DPP6: variants seen among roughly 807,000 people sequenced by gnomAD.
DPP6 encodes the protein dipeptidyl peptidase like 6, also known as A-type potassium channel modulatory protein DPP6.
In DPP6, 69 loss-of-function variants were observed where a neutral mutation model predicts 122.6. That is an observed-to-expected ratio of 0.56 (90% CI 0.46 to 0.69). The LOEUF (loss-of-function observed/expected upper bound fraction) is 0.69, where lower values mean the gene tolerates loss of function less well. Ranked by LOEUF, DPP6 falls within the 30% of genes least tolerant of loss-of-function variation. The pLI is 0.00. For missense variants in DPP6, 928 were observed against 1,116.9 expected, an observed-to-expected ratio of 0.83 and a Z score of 2.41; for synonymous variants, 418 against 433.1, an observed-to-expected ratio of 0.97 and a Z score of 0.43.
intron 8 of DPP6, among the ~76,000 whole-genome samples, chr7:154,759,558 C>G (rs1354162794): frequency 6.6e-6 from 1 of 152,250 alleles, no homozygotes; most frequent in Non-Finnish European, 1.5e-5. Flanking sequence ...TTATGCAAAT[C>G]CGGCTCTTAG....
chr7:153,956,199 G>A (rs1183554219), intron 1 of DPP6, among the ~76,000 whole-genome samples: 1 of 152,150 alleles, frequency 6.6e-6, no homozygotes, highest in Non-Finnish European at 1.5e-5. Flanking sequence ...TTAGATGTGG[G>A]CAGGTGGGGG....
At chr7:153,956,869 T>C (rs953767917) in intron 1 of DPP6, among the ~76,000 whole-genome samples, 1 of 152,188 alleles carries the variant, frequency 6.6e-6, no homozygotes, top group African/African-American at 2.4e-5. Context: ...TCTGGAAGGG[T>C]CATTATCTGG....
At chr7:154,750,542 C>T (rs1843326826) in intron 8 of DPP6, among the ~76,000 whole-genome samples, 1 of 152,158 alleles carries the variant, frequency 6.6e-6, no homozygotes, top group East Asian at 1.9e-4. Context: ...GCTCCCTGGG[C>T]GATGCTCACG....
chr7:153,928,019 G>A (rs1446095245), intron 1 of DPP6, among the ~76,000 whole-genome samples: 1 of 152,064 alleles, frequency 6.6e-6, no homozygotes, highest in Non-Finnish European at 1.5e-5. Flanking sequence ...TTTCTCTTGC[G>A]CTGTCTCCCA....
intron 1 of DPP6, among the ~76,000 whole-genome samples, chr7:153,989,433 TG>T (rs1164261030): frequency 6.6e-6 from 1 of 151,270 alleles, no homozygotes; most frequent in African/African-American, 2.4e-5. Context: ...GGGCCGCGCT[TG>T]GCATTTGAGG....
At chr7:154,429,057 A>C (rs1194469839) in intron 1 of DPP6, among the ~76,000 whole-genome samples, 1 of 152,298 alleles carries the variant, frequency 6.6e-6, no homozygotes, top group East Asian at 1.9e-4. Flanking sequence ...CTTAGGTTTT[A>C]TAGTCAAAGC....
At position 154,483,220 on chromosome 7, in the gene DPP6, C is replaced by T. The variant is rs763397959; in HGVS notation, c.457+8183C>T. On this transcript the variant is annotated intron_variant, in intron 3 of 25. Transcript: ENST00000377770. This position sits in a 1 kb window ranked among gnomAD's most constrained non-coding sequence, Gnocchi z 8.1. The stretch of plus-strand genomic sequence containing the variant: ...TGCTCTAGGCGAGTTAGTGTGCTGC[C>T]GATTTTGTAACGGCAGATGTAAATG... Among the ~76,000 whole-genome samples the T allele has an allele frequency of 6.6e-6, 1 of 151,916 alleles. No individual in the cohort carries two copies. The highest frequency in any genetic ancestry group is 2.4e-5 in the African/African-American group (1 of 41,328).
At chr7:153,768,244 G>C in the DPP6 span, among the ~76,000 whole-genome samples, 1 of 145,164 alleles carries the variant, frequency 6.9e-6, no homozygotes, top group South Asian at 2.3e-4. Flanking sequence ...AGAAGTTCTT[G>C]ATGGTAATTA....
At chr7:154,855,439 AGAG>A (rs973787911) in intron 17 of DPP6, among the ~76,000 whole-genome samples, 30 of 152,170 alleles carry the variant, frequency 2.0e-4, no homozygotes, top group Non-Finnish European at 4.4e-5. Flanking sequence ...GCTCCTCCCC[AGAG>A]GAGGGGCTGG....
intron 16 of DPP6, among the ~76,000 whole-genome samples, chr7:154,842,082 A>T (rs1801595995): frequency 6.6e-6 from 1 of 152,240 alleles, no homozygotes; most frequent in African/African-American, 2.4e-5. Flanking sequence ...AACTTTATGC[A>T]TCAGGCATGC....
At chr7:154,031,733 C>G (rs1799239870) in intron 1 of DPP6, among the ~76,000 whole-genome samples, 1 of 152,058 alleles carries the variant, frequency 6.6e-6, no homozygotes, top group Non-Finnish European at 1.5e-5. Context: ...AACTCAACAG[C>G]CTTTGGAGAA....
chr7:154,686,482 C>T (rs753275486), intron 7 of DPP6, among the ~76,000 whole-genome samples: 63 of 151,512 alleles, frequency 4.2e-4, no homozygotes, highest in Non-Finnish European at 7.6e-4. Context: ...GTAATTAATC[C>T]GACACCCTTA....
At chr7:154,451,361 C>CAAAA (rs397890050) in intron 2 of DPP6, among the ~76,000 whole-genome samples, 2 of 122,122 alleles carry the variant, frequency 1.6e-5, no homozygotes, top group Non-Finnish European at 1.7e-5. Context: ...CCTGTCTCAC[C>CAAAA]AAAAAAAAAA....
intron 1 of DPP6, among the ~76,000 whole-genome samples, chr7:154,227,215 G>GACACACACAC (rs1554495537): frequency 1.2e-3 from 169 of 141,454 alleles, no homozygotes; most frequent in South Asian, 8.2e-3. Context: ...GAAAATGAGG[G>GACACACACAC]ACACACACAC....
intron 2 of DPP6, among the ~76,000 whole-genome samples, chr7:154,474,025 C>T (rs1822513956): frequency 6.6e-6 from 1 of 152,102 alleles, no homozygotes. Flanking sequence ...AGATAATGTC[C>T]ATCAGATGTG....
At chr7:154,621,806 C>T (rs991035885) in intron 5 of DPP6, among the ~76,000 whole-genome samples, 2 of 152,170 alleles carry the variant, frequency 1.3e-5, no homozygotes, top group Non-Finnish European at 2.9e-5. Context: ...TCCCTGCCCA[C>T]CTCAAGTCAG....
rs186789157 is a variant in DPP6, at chr7:154,873,221, G to A, written c.1883+528G>A. On this transcript the variant is annotated intron_variant, in intron 19 of 25. Transcript: ENST00000377770. ...TGTGCTCTGTAAATGCCTTGAAGGT[G>A]TTGGGTCTGATTAGGGAACTCAGTG... Among the ~76,000 whole-genome samples, 67 of 152,336 alleles carry A rather than the reference G, an allele frequency of 4.4e-4. No individual in the cohort carries two copies. The East Asian group carries it at 0.013, about 28-fold the overall frequency.
intron 4 of DPP6, among the ~76,000 whole-genome samples, chr7:154,544,289 T>C (rs1828985857): frequency 6.6e-6 from 1 of 152,032 alleles, no homozygotes; most frequent in African/African-American, 2.4e-5. Flanking sequence ...TGAGAATTTT[T>C]GAAGTGCTTG....
chr7:154,469,864 GC>G (rs1822112070), intron 2 of DPP6, among the ~76,000 whole-genome samples: 1 of 152,330 alleles, frequency 6.6e-6, no homozygotes, highest in South Asian at 2.1e-4. Context: ...TTCTCATTGA[GC>G]TTTTTCCTTG....
Sources: allele counts gnomAD v4.1 joint callset (sites outside exome capture counted in the v4.1 genomes callset), GRCh38; gene constraint gnomAD v4.1.1; non-coding constraint Gnocchi (gnomAD v3.1); transcripts MANE v1.5; gene names NCBI Gene and HGNC (gene_info 2026-07-23, HGNC 2026-07-21).